The following CNTN5 variants were observed in gnomAD, a reference collection of about 807,000 sequenced individuals.
The protein encoded by CNTN5 is contactin-5.
Under a neutral mutation model 129.1 loss-of-function variants are expected in CNTN5, and 77 were observed. The ratio of observed to expected loss-of-function variants is 0.60; its 90% CI spans 0.50 to 0.72. The LOEUF (loss-of-function observed/expected upper bound fraction) is 0.72, where lower values mean the gene tolerates loss of function less well. Ranked by LOEUF, CNTN5 falls within the 30% of genes least tolerant of loss-of-function variation. CNTN5 has a pLI of 0.00. For missense variants in CNTN5, 1,478 were observed against 1,328.8 expected (o/e 1.11, Z -1.75); for synonymous variants, 509 against 465.6 (o/e 1.09, Z -1.20).
intron 1 of CNTN5, among the ~76,000 whole-genome samples, chr11:99,137,309 C>A (rs1042655432): frequency 2.0e-5 from 3 of 152,124 alleles, no homozygotes; most frequent in Non-Finnish European, 4.4e-5. Flanking sequence ...TCTTCTGAAG[C>A]AGTTGCAAAG....
intron 3 of CNTN5, among the ~76,000 whole-genome samples, chr11:99,738,588 T>C (rs1943784878): frequency 6.7e-6 from 1 of 149,022 alleles, no homozygotes. Flanking sequence ...AGGCAGGCTA[T>C]AAAAATGATA....
At chr11:99,443,814 G>T (rs986104637) in intron 2 of CNTN5, among the ~76,000 whole-genome samples, 2 of 152,126 alleles carry the variant, frequency 1.3e-5, no homozygotes, top group Non-Finnish European at 2.9e-5. Context: ...AAACAGATAG[G>T]AATGCCAGTG....
At chr11:99,229,368 A>C (rs1461682) in intron 1 of CNTN5, among the ~76,000 whole-genome samples, 144,030 of 151,936 alleles carry the variant, frequency 0.95, 68,325 homozygotes, top group East Asian at 1. Flanking sequence ...TAAGCTATAC[A>C]GGTGTTTTGT....
chr11:100,018,001 G>A (rs376137781), intron 9 of CNTN5, among the ~76,000 whole-genome samples: 36 of 152,004 alleles, frequency 2.4e-4, no homozygotes, highest in African/African-American at 8.7e-4. Flanking sequence ...GGGGTAAAAT[G>A]GGTATAATAG....
intron 1 of CNTN5, among the ~76,000 whole-genome samples, chr11:99,277,827 G>A (rs1327918064): frequency 1.3e-5 from 2 of 151,618 alleles, no homozygotes; most frequent in African/African-American, 2.4e-5. Context: ...GATAAAAAGC[G>A]AAAAGTTGAC....
intron 16 of CNTN5, among the ~76,000 whole-genome samples, chr11:100,254,080 C>G (rs1950022162): frequency 6.6e-6 from 1 of 152,156 alleles, no homozygotes; most frequent in Non-Finnish European, 1.5e-5. Flanking sequence ...ACTCCCAAGC[C>G]TGAATGGACC....
chr11:99,690,006 T>C (rs1953973264), intron 3 of CNTN5, among the ~76,000 whole-genome samples: 2 of 152,212 alleles, frequency 1.3e-5, no homozygotes, highest in Admixed American at 6.5e-5. Context: ...TCTTTGCCCA[T>C]GCCTATGTCC....
intron 18 of CNTN5, among the ~76,000 whole-genome samples, chr11:100,293,884 A>T (rs986414350): frequency 2.6e-5 from 4 of 151,732 alleles, no homozygotes; most frequent in Admixed American, 6.6e-5. Flanking sequence ...AACTCCTTCA[A>T]TTTAACTCTT....
chr11:99,030,095 C>T (rs1863295156), intron 1 of CNTN5, among the ~76,000 whole-genome samples: 1 of 152,182 alleles, frequency 6.6e-6, no homozygotes, highest in African/African-American at 2.4e-5. Flanking sequence ...GCTTCTTAGA[C>T]TCAGGTTTAA....
rs528768255 is a variant in CNTN5 at position 99,205,347 on chromosome 11, T to G, written c.-209-119999T>G. 1.3e-4 allele frequency among the ~76,000 whole-genome samples: 20 copies of G among 152,272 alleles called. No homozygotes were observed. In the South Asian group the frequency reaches 4.1e-3, roughly 32 times the overall value. ...ATTTCCATAACCCTCCCCCTCTAGA[T>G]CCATCTCTACCTGCTCTAGAAGAGG... On this transcript the variant is annotated intron_variant, in intron 1 of 24. Transcript: ENST00000524871.
intron 3 of CNTN5, among the ~76,000 whole-genome samples, chr11:99,715,004 C>T (rs1263823138): frequency 2.6e-5 from 4 of 151,868 alleles, no homozygotes; most frequent in Non-Finnish European, 1.5e-5. Flanking sequence ...TTTATGCCTT[C>T]GTTTTCTCAT....
intron 17 of CNTN5, among the ~76,000 whole-genome samples, chr11:100,260,014 T>C (rs901820610): frequency 6.6e-6 from 1 of 151,972 alleles, no homozygotes; most frequent in South Asian, 2.1e-4. Context: ...GAGCTGGTGT[T>C]TTGAAAAGAT....
intron 2 of CNTN5, among the ~76,000 whole-genome samples, chr11:99,525,556 A>G (rs949843801): frequency 1.2e-4 from 19 of 152,238 alleles, no homozygotes; most frequent in African/African-American, 4.1e-4. Context: ...TTAAAATGAT[A>G]GATGGACTTG....
At chr11:99,208,100 G>A (rs906427649) in intron 1 of CNTN5, among the ~76,000 whole-genome samples, 7 of 152,164 alleles carry the variant, frequency 4.6e-5, no homozygotes, top group African/African-American at 1.7e-4. Context: ...TTAGCTGCCA[G>A]ATTTGGTCCC....
intron 2 of CNTN5, among the ~76,000 whole-genome samples, chr11:99,379,849 C>G (rs945168866): frequency 5.3e-5 from 8 of 151,962 alleles, no homozygotes; most frequent in African/African-American, 1.9e-4. Flanking sequence ...AATTCCAGCA[C>G]TTTGGGAGGC....
intron 2 of CNTN5, among the ~76,000 whole-genome samples, chr11:99,454,376 T>C (rs973141541): frequency 1.3e-5 from 2 of 152,158 alleles, no homozygotes; most frequent in East Asian, 1.9e-4. Context: ...GTGGAGATAA[T>C]TGAATCATAG....
chr11:100,114,472 A>G (rs1408363143), intron 13 of CNTN5, among the ~76,000 whole-genome samples: 3 of 152,180 alleles, frequency 2.0e-5, no homozygotes, highest in Non-Finnish European at 4.4e-5. Context: ...TAAAAATTCA[A>G]TCACATTAAA....
intron 1 of CNTN5, among the ~76,000 whole-genome samples, chr11:99,070,526 GA>G (rs1347717174): frequency 1.6e-5 from 2 of 121,816 alleles, no homozygotes; most frequent in Admixed American, 8.6e-5. Flanking sequence ...TATGCATGCA[GA>G]TAAAAAAAAA....
At chr11:99,861,042 G>T (rs191872660) in intron 6 of CNTN5, among the ~76,000 whole-genome samples, 2 of 142,442 alleles carry the variant, frequency 1.4e-5, no homozygotes, top group South Asian at 4.6e-4. Context: ...TGCAAACTGC[G>T]CCTCCCAGGT....
Sources: gnomAD v4.1 joint callset for allele counts (sites outside exome capture counted in the v4.1 genomes callset) on GRCh38, gnomAD v4.1.1 for gene constraint, MANE v1.5 for transcripts, NCBI Gene and HGNC (gene_info 2026-07-23, HGNC 2026-07-21) for gene names.